KIAA1217: variants seen among roughly 807,000 people sequenced by gnomAD.
The protein encoded by KIAA1217 is sickle tail protein homolog.
KIAA1217 carries 88 observed loss-of-function variants against 163.9 expected under a neutral mutation model. That is an observed-to-expected ratio of 0.54 (90% CI 0.45 to 0.64). The LOEUF (loss-of-function observed/expected upper bound fraction) is 0.64, where lower values mean the gene tolerates loss of function less well. KIAA1217 is among the 30% of genes least tolerant of loss of function. The pLI is 0.00. For missense variants in KIAA1217, 2,372 were observed against 2,475.0 expected (o/e 0.96, Z 0.88); for synonymous variants, 903 against 923.1 (o/e 0.98, Z 0.39).
At chr10:23,852,757 A>G (rs1181835251) in intron 1 of KIAA1217, among the ~76,000 whole-genome samples, 1 of 151,936 alleles carries the variant, frequency 6.6e-6, no homozygotes, top group Admixed American at 6.6e-5. Flanking sequence ...ATTCCTAGGT[A>G]TTTTATTCTC....
intron 2 of KIAA1217, among the ~76,000 whole-genome samples, chr10:24,182,524 A>C (rs1374946146): frequency 6.7e-6 from 1 of 149,940 alleles, no homozygotes; most frequent in Non-Finnish European, 1.5e-5. Context: ...GTTTGTCTTC[A>C]TTTTGTTTTG....
chr10:23,995,226 CAGA>C (rs1488811850), intron 1 of KIAA1217, among the ~76,000 whole-genome samples: 3 of 152,224 alleles, frequency 2.0e-5, no homozygotes, highest in Non-Finnish European at 4.4e-5. Context: ...TACAAAATAA[CAGA>C]AGACCAAGTC....
chr10:24,214,163 C>G (rs2068511138), intron 1 of KIAA1217, among the ~76,000 whole-genome samples: 1 of 151,934 alleles, frequency 6.6e-6, no homozygotes, highest in Non-Finnish European at 1.5e-5. Flanking sequence ...TTTCTAAAAA[C>G]AAACAAAGAA....
intron 1 of KIAA1217, among the ~76,000 whole-genome samples, chr10:23,838,664 T>C (rs1401598504): frequency 6.6e-6 from 1 of 152,210 alleles, no homozygotes; most frequent in African/African-American, 2.4e-5. Context: ...TTTTGCCATG[T>C]TGGCCAGGCT....
chr10:23,857,750 G>C (rs1358662190), intron 1 of KIAA1217, among the ~76,000 whole-genome samples: 1 of 152,058 alleles, frequency 6.6e-6, no homozygotes, highest in Non-Finnish European at 1.5e-5. Context: ...ATCTTTTCTT[G>C]AGAACTTTAC....
At chr10:23,899,113 A>T (rs1841844494) in intron 1 of KIAA1217, among the ~76,000 whole-genome samples, 1 of 152,054 alleles carries the variant, frequency 6.6e-6, no homozygotes, top group Non-Finnish European at 1.5e-5. Context: ...TTTCCTCTAT[A>T]ATCAATGCCC....
intron 6 of KIAA1217, among the ~76,000 whole-genome samples, chr10:24,489,860 C>CAAAA (rs11393718): frequency 2.0e-4 from 13 of 64,882 alleles, no homozygotes; most frequent in East Asian, 5.6e-4. Context: ...GAGAACCTGT[C>CAAAA]AAAAAAAAAA....
intron 1 of KIAA1217, among the ~76,000 whole-genome samples, chr10:23,957,263 G>C (rs1564564967): frequency 6.6e-6 from 1 of 152,090 alleles, no homozygotes; most frequent in Non-Finnish European, 1.5e-5. Context: ...CTGCTCTCCA[G>C]TGTCACTTGC....
At chr10:24,408,823 A>G (rs1591688456) in intron 3 of KIAA1217, among the ~76,000 whole-genome samples, 1 of 152,048 alleles carries the variant, frequency 6.6e-6, no homozygotes, top group African/African-American at 2.4e-5. Flanking sequence ...TTTATCTCTA[A>G]CCTGCCTTAT....
At chr10:24,486,594 C>T (rs186209621) in intron 6 of KIAA1217, among the ~76,000 whole-genome samples, 35 of 152,338 alleles carry the variant, frequency 2.3e-4, no homozygotes, top group African/African-American at 8.4e-4. Context: ...GCCAGGCATG[C>T]TCCTGCCTTG....
chr10:24,347,247 T>G (rs1197962114), intron 2 of KIAA1217, among the ~76,000 whole-genome samples: 2 of 152,194 alleles, frequency 1.3e-5, no homozygotes, highest in African/African-American at 4.8e-5. Flanking sequence ...TCGTGGTCAT[T>G]TTCAGGCCTC....
At chr10:24,520,371 C>A in intron 11 of KIAA1217, 118 bp downstream of exon 11, 2 of 1,389,216 alleles carry the variant, frequency 1.4e-6, no homozygotes, top group East Asian at 2.3e-5. Context: ...TCTACATGTG[C>A]CAGGCATTGT....
intron 1 of KIAA1217, among the ~76,000 whole-genome samples, chr10:23,921,863 G>A (rs189143306): frequency 1.2e-3 from 183 of 152,210 alleles, no homozygotes; most frequent in Non-Finnish European, 1.9e-3. Context: ...TATATATTTG[G>A]TCTTCATCTC....
chr10:23,762,182 C>T (rs893218766), intron 1 of KIAA1217, among the ~76,000 whole-genome samples: 2 of 151,976 alleles, frequency 1.3e-5, no homozygotes, highest in African/African-American at 4.8e-5. Context: ...CTGAATTCTA[C>T]CAGAAATACA....
At chr10:24,335,838 C>T (rs1286860614) in intron 2 of KIAA1217, among the ~76,000 whole-genome samples, 1 of 152,180 alleles carries the variant, frequency 6.6e-6, no homozygotes. Context: ...TCTCAAACTC[C>T]TGGGCTCAAG....
chr10:24,014,491 G>T (rs1277825647), intron 2 of KIAA1217, among the ~76,000 whole-genome samples: 1 of 152,132 alleles, frequency 6.6e-6, no homozygotes, highest in Non-Finnish European at 1.5e-5. Flanking sequence ...ACTGAAATGA[G>T]AGCTCCTCTA....
At chr10:24,094,729 G>T (rs970820678) in intron 2 of KIAA1217, among the ~76,000 whole-genome samples, 3 of 152,206 alleles carry the variant, frequency 2.0e-5, no homozygotes, top group Non-Finnish European at 2.9e-5. Flanking sequence ...CAGATCTCCA[G>T]CTGCGTGCTG....
intron 1 of KIAA1217, among the ~76,000 whole-genome samples, chr10:23,954,232 A>T (rs559003922): frequency 6.6e-6 from 1 of 152,222 alleles, no homozygotes; most frequent in Non-Finnish European, 1.5e-5. Context: ...GCAGGCAGAA[A>T]AATTATGAGT....
At chr10:24,114,710 C>A (rs1372239114) in intron 2 of KIAA1217, among the ~76,000 whole-genome samples, 1 of 152,196 alleles carries the variant, frequency 6.6e-6, no homozygotes, top group East Asian at 1.9e-4. Context: ...TGGAGAAATC[C>A]TTTGAAAAAC....
Sources: allele counts gnomAD v4.1 joint callset (sites outside exome capture counted in the v4.1 genomes callset), GRCh38; gene constraint gnomAD v4.1.1; transcripts MANE v1.5; gene names NCBI Gene and HGNC (gene_info 2026-07-23, HGNC 2026-07-21).